Variants in PTPRT observed in about 807,000 individuals in gnomAD.
PTPRT encodes protein tyrosine phosphatase receptor type T, also known as receptor-type tyrosine-protein phosphatase T.
A neutral mutation model predicts 176.8 loss-of-function variants in PTPRT; 56 were observed. The observed-to-expected ratio is 0.32, with a 90% CI of 0.26 to 0.40. The LOEUF is 0.40. Among genes scored for constraint, PTPRT ranks in the 10% least tolerant of loss-of-function variants. The probability of loss-of-function intolerance (pLI) is 1.00; values close to 1 mark genes in which losing one functional copy is unlikely to be tolerated. For synonymous variants in PTPRT, 783 were observed against 739.0 expected, an observed-to-expected ratio of 1.06 and a Z score of -0.96; for missense variants, 1,540 against 1,908.2, an observed-to-expected ratio of 0.81 and a Z score of 3.60.
At chr20:42,197,723 GA>G (rs202171739) in intron 16 of PTPRT, among the ~76,000 whole-genome samples, 21 of 144,344 alleles carry the variant, frequency 1.5e-4, no homozygotes, top group South Asian at 6.6e-4. Context: ...AGAAAATTTT[GA>G]AAAAAAAAAC....
intron 1 of PTPRT, among the ~76,000 whole-genome samples, chr20:42,974,753 ATACT>A (rs1285551415): frequency 4.6e-5 from 7 of 152,354 alleles, no homozygotes; most frequent in African/African-American, 1.7e-4. Flanking sequence ...AAAAGGAAAC[ATACT>A]TCTTATTTCT....
chr20:42,769,875 G>A, intron 5 of PTPRT, among the ~76,000 whole-genome samples: 1 of 152,202 alleles, frequency 6.6e-6, no homozygotes, highest in East Asian at 1.9e-4. Flanking sequence ...CATACCGCAT[G>A]CTTCCATTTA....
chr20:42,935,351 G>A (rs1217907975), intron 1 of PTPRT, among the ~76,000 whole-genome samples: 1 of 151,678 alleles, frequency 6.6e-6, no homozygotes, highest in Non-Finnish European at 1.5e-5. Flanking sequence ...TGTTACCTAG[G>A]CTGTTCTCAA....
chr20:43,008,874 G>A (rs1358913826), intron 1 of PTPRT, among the ~76,000 whole-genome samples: 2 of 152,048 alleles, frequency 1.3e-5, no homozygotes, highest in Admixed American at 6.6e-5. Context: ...TCCATTGCCC[G>A]TCTCCTGTGT....
chr20:42,407,845 T>A (rs2145725438), intron 9 of PTPRT, among the ~76,000 whole-genome samples: 1 of 151,944 alleles, frequency 6.6e-6, no homozygotes, highest in East Asian at 1.9e-4. Flanking sequence ...ACATAAAAAA[T>A]CAAGAGCAAT....
At chr20:43,079,187 C>A (rs2011369214) in intron 1 of PTPRT, among the ~76,000 whole-genome samples, 2 of 80,946 alleles carry the variant, frequency 2.5e-5, no homozygotes, top group South Asian at 1.1e-3. Context: ...TCCCCCCCCC[C>A]AGCCCCCTCT....
chr20:42,906,875 A>T (rs2079485708), intron 1 of PTPRT, among the ~76,000 whole-genome samples: 2 of 152,182 alleles, frequency 1.3e-5, no homozygotes, highest in South Asian at 4.1e-4. Context: ...GGAAAAAAAA[A>T]AATGTGAAAC....
At chr20:42,091,548 C>A (rs369492514) in intron 27 of PTPRT, among the ~76,000 whole-genome samples, 2 of 152,128 alleles carry the variant, frequency 1.3e-5, no homozygotes, top group African/African-American at 4.8e-5. Context: ...TTTATTAAGG[C>A]CCCTGCGACC....
chr20:42,289,271 T>C (rs2057281225), intron 12 of PTPRT, among the ~76,000 whole-genome samples: 1 of 151,868 alleles, frequency 6.6e-6, no homozygotes, highest in African/African-American at 2.4e-5. Context: ...GAAAATTGAC[T>C]ATTGGAACCT....
intron 1 of PTPRT, among the ~76,000 whole-genome samples, chr20:43,069,351 A>C (rs2011151330): frequency 6.6e-6 from 1 of 152,230 alleles, no homozygotes. Flanking sequence ...GGTCAGTGCT[A>C]TAACCATCTC....
At chr20:42,903,097 G>A (rs1337941167) in intron 1 of PTPRT, among the ~76,000 whole-genome samples, 1 of 152,178 alleles carries the variant, frequency 6.6e-6, no homozygotes, top group Non-Finnish European at 1.5e-5. Flanking sequence ...AAGATGTTAG[G>A]CATGCAATAA....
chr20:43,008,834 T>A (rs552992719), intron 1 of PTPRT, among the ~76,000 whole-genome samples: 1 of 152,292 alleles, frequency 6.6e-6, no homozygotes, highest in South Asian at 2.1e-4. Flanking sequence ...AAAGAAAGTC[T>A]AATGACTCTC....
chr20:42,578,970 C>A (rs926116278), intron 7 of PTPRT, among the ~76,000 whole-genome samples: 1 of 148,350 alleles, frequency 6.7e-6, no homozygotes, highest in Non-Finnish European at 1.5e-5. Flanking sequence ...ACGTTTGTTA[C>A]ATATGTATAC....
At chr20:42,284,508 A>T (rs976128305) in intron 12 of PTPRT, among the ~76,000 whole-genome samples, 1 of 152,068 alleles carries the variant, frequency 6.6e-6, no homozygotes, top group African/African-American at 2.4e-5. Flanking sequence ...AATATAAGTA[A>T]CAATCTGGAT....
intron 3 of PTPRT, among the ~76,000 whole-genome samples, chr20:42,780,546 C>T (rs2077199983): frequency 6.6e-6 from 1 of 152,150 alleles, no homozygotes; most frequent in African/African-American, 2.4e-5. Context: ...CACTTAGATG[C>T]AGGAAAAACA....
At chr20:43,155,059 G>C (rs2014479145) in intron 1 of PTPRT, among the ~76,000 whole-genome samples, 1 of 152,154 alleles carries the variant, frequency 6.6e-6, no homozygotes, top group African/African-American at 2.4e-5. Flanking sequence ...AAGTGTTAGA[G>C]AGGATGTGGA....
At chr20:42,184,526 T>G (rs1296763827) in intron 16 of PTPRT, among the ~76,000 whole-genome samples, 4 of 106,688 alleles carry the variant, frequency 3.7e-5, no homozygotes, top group Non-Finnish European at 7.8e-5. Flanking sequence ...CTCCTTCTTC[T>G]TCTTCTTCCT....
At chr20:42,310,475 G>A (rs963103444) in intron 12 of PTPRT, among the ~76,000 whole-genome samples, 5 of 152,170 alleles carry the variant, frequency 3.3e-5, no homozygotes, top group African/African-American at 1.2e-4. Context: ...TACAAGGGGA[G>A]AGTCAAGGAG....
intron 2 of PTPRT, among the ~76,000 whole-genome samples, chr20:42,855,056 T>C (rs1207452600): frequency 9.2e-5 from 14 of 152,312 alleles, no homozygotes; most frequent in Non-Finnish European, 1.9e-4. Flanking sequence ...CTGGGCCTTT[T>C]GTTTGTTGTT....
Sources: allele counts gnomAD v4.1 joint callset (sites outside exome capture counted in the v4.1 genomes callset), GRCh38; gene constraint gnomAD v4.1.1; transcripts MANE v1.5; gene names NCBI Gene and HGNC (gene_info 2026-07-23, HGNC 2026-07-21).